The following TMEM108 variants were observed in gnomAD, a reference collection of about 807,000 sequenced individuals.
TMEM108 encodes the protein transmembrane protein 108, also known as cancer/testis antigen 124.
A neutral mutation model predicts 35.1 loss-of-function variants in TMEM108; 12 were observed. That is an observed-to-expected ratio of 0.34 (90% CI 0.22 to 0.55). The LOEUF (loss-of-function observed/expected upper bound fraction) is 0.55, where lower values mean the gene tolerates loss of function less well. TMEM108 is among the 20% of genes least tolerant of loss of function. The pLI, the probability that TMEM108 is intolerant of heterozygous loss-of-function variation, is 0.89. For synonymous variants in TMEM108, 287 were observed against 308.6 expected, an observed-to-expected ratio of 0.93 and a Z score of 0.73; for missense variants, 680 against 753.3, an observed-to-expected ratio of 0.90 and a Z score of 1.14.
At chr3:133,385,570 C>T (rs1379250993) in intron 4 of TMEM108, among the ~76,000 whole-genome samples, 2 of 152,204 alleles carry the variant, frequency 1.3e-5, no homozygotes, top group Non-Finnish European at 2.9e-5. Context: ...CCAGGTGCAC[C>T]CCTCCCACTG....
chr3:133,205,856 T>C (rs1945745288), intron 2 of TMEM108, among the ~76,000 whole-genome samples: 1 of 152,328 alleles, frequency 6.6e-6, no homozygotes, highest in East Asian at 1.9e-4. Flanking sequence ...TCTTGCTAGA[T>C]TGGGGAAGTT....
intron 3 of TMEM108, among the ~76,000 whole-genome samples, chr3:133,268,434 A>T (rs1019709421): frequency 2.6e-5 from 4 of 152,226 alleles, no homozygotes; most frequent in Non-Finnish European, 5.9e-5. Context: ...ATGTGGACCT[A>T]AAAGTTTGAG....
At chr3:133,214,769 A>G (rs990715105) in intron 2 of TMEM108, among the ~76,000 whole-genome samples, 1 of 152,146 alleles carries the variant, frequency 6.6e-6, no homozygotes, top group Non-Finnish European at 1.5e-5. Context: ...AGGGAGCATT[A>G]CCAGCTGAGT....
chr3:133,242,530 G>T (rs1385453134), intron 3 of TMEM108, among the ~76,000 whole-genome samples: 2 of 152,206 alleles, frequency 1.3e-5, no homozygotes, highest in Non-Finnish European at 2.9e-5. Context: ...TCCCGGGAAG[G>T]GTGTGTGGGG....
In TMEM108 at chr3:133,234,439, T is replaced by G. The variant is rs182734521; in HGVS notation, c.40+5088T>G. Among the ~76,000 whole-genome samples the G allele has an allele frequency of 6.0e-4, 91 of 152,200 alleles. 2 individuals carry two copies. The highest frequency in any genetic ancestry group is 2.4e-3 in the Admixed American group (36 of 15,286). On this transcript the variant is annotated intron_variant, in intron 3 of 5. Transcript: ENST00000321871. ...GCTTCATCCCTGGGATGCAAGGCTG[T>G]TTCAATATACGCACATCAATAAATG...
intron 3 of TMEM108, among the ~76,000 whole-genome samples, chr3:133,322,474 C>A (rs6775894): frequency 0.34 from 51,485 of 151,888 alleles, 9,095 homozygotes; most frequent in East Asian, 0.48. Flanking sequence ...TTAAATCAGG[C>A]AGAAGCAGAA....
intron 3 of TMEM108, among the ~76,000 whole-genome samples, chr3:133,319,942 G>T (rs930603475): frequency 5.3e-5 from 8 of 152,158 alleles, no homozygotes; most frequent in African/African-American, 1.9e-4. Context: ...CAGATGAGAA[G>T]GAATCAGAAA....
intron 3 of TMEM108, among the ~76,000 whole-genome samples, chr3:133,301,107 A>G (rs1358104242): frequency 6.6e-6 from 1 of 151,870 alleles, no homozygotes; most frequent in Non-Finnish European, 1.5e-5. Context: ...GCGTGTAAGG[A>G]ACCTTAAAGA....
intron 3 of TMEM108, among the ~76,000 whole-genome samples, chr3:133,264,518 C>T (rs902261682): frequency 7.9e-5 from 12 of 152,080 alleles, no homozygotes; most frequent in African/African-American, 2.7e-4. Flanking sequence ...AACTAATGTC[C>T]ACAGATGTAA....
chr3:133,327,488 CTA>C (rs926130741), intron 3 of TMEM108, among the ~76,000 whole-genome samples: 4 of 152,194 alleles, frequency 2.6e-5, no homozygotes, highest in African/African-American at 9.6e-5. Flanking sequence ...TCAGGTCGTA[CTA>C]ATGCCAGGCA....
At chr3:133,188,882 AGG>A in intron 2 of TMEM108, among the ~76,000 whole-genome samples, 1 of 152,274 alleles carries the variant, frequency 6.6e-6, no homozygotes, top group African/African-American at 2.4e-5. Context: ...TCTATAATGT[AGG>A]TCTGCCATCT....
chr3:133,233,863 C>A (rs1420308699), intron 3 of TMEM108, among the ~76,000 whole-genome samples: 1 of 151,702 alleles, frequency 6.6e-6, no homozygotes, highest in Admixed American at 6.6e-5. Context: ...TGTTCATATC[C>A]TTTGCCCACT....
chr3:133,106,119 G>T (rs1300498776), intron 2 of TMEM108, among the ~76,000 whole-genome samples: 1 of 150,450 alleles, frequency 6.6e-6, no homozygotes, highest in Non-Finnish European at 1.5e-5. Flanking sequence ...TGGGGAATAT[G>T]CAGTGTTGTC....
At chr3:133,297,460 C>A (rs924208569) in intron 3 of TMEM108, among the ~76,000 whole-genome samples, 1 of 152,170 alleles carries the variant, frequency 6.6e-6, no homozygotes, top group East Asian at 1.9e-4. Flanking sequence ...AGAGGGAAAG[C>A]TTCAGGCTCG....
At chr3:133,242,507 C>A (rs1946327806) in intron 3 of TMEM108, among the ~76,000 whole-genome samples, 1 of 152,164 alleles carries the variant, frequency 6.6e-6, no homozygotes, top group African/African-American at 2.4e-5. Flanking sequence ...ATGTGTTGAG[C>A]TGGTCTAAAA....
intron 2 of TMEM108, among the ~76,000 whole-genome samples, chr3:133,098,551 T>G (rs990331415): frequency 2.0e-5 from 3 of 152,060 alleles, no homozygotes; most frequent in Non-Finnish European, 4.4e-5. Context: ...GTCCAAAGTC[T>G]CATCTGAGAC....
intron 2 of TMEM108, among the ~76,000 whole-genome samples, chr3:133,104,215 A>G (rs900485837): frequency 5.3e-5 from 8 of 152,158 alleles, no homozygotes; most frequent in African/African-American, 1.7e-4. Context: ...TGCAAAACTT[A>G]GGGGGTTATT....
chr3:133,295,363 A>G (rs1947129929), intron 3 of TMEM108, among the ~76,000 whole-genome samples: 1 of 152,178 alleles, frequency 6.6e-6, no homozygotes, highest in Admixed American at 6.5e-5. Context: ...CCTGCTCACC[A>G]TCGTCTAGCA....
chr3:133,335,320 AAAAC>A (rs2071470995), intron 3 of TMEM108, among the ~76,000 whole-genome samples: 1 of 152,212 alleles, frequency 6.6e-6, no homozygotes. Context: ...AGACAAAAAT[AAAAC>A]AAATATATTT....
Sources: gnomAD v4.1 joint callset for allele counts (sites outside exome capture counted in the v4.1 genomes callset) on GRCh38, gnomAD v4.1.1 for gene constraint, MANE v1.5 for transcripts, NCBI Gene and HGNC (gene_info 2026-07-23, HGNC 2026-07-21) for gene names.